Variants in SLC2A13 observed in about 807,000 individuals in gnomAD.
SLC2A13 encodes proton myo-inositol cotransporter.
A neutral mutation model predicts 64.4 loss-of-function variants in SLC2A13; 32 were observed. The observed-to-expected ratio is 0.50, with a 90% CI of 0.37 to 0.67. The LOEUF is 0.67. Among genes scored for constraint, SLC2A13 ranks in the 30% least tolerant of loss-of-function variants. SLC2A13 has a pLI of 0.00. For synonymous variants in SLC2A13, 338 were observed against 327.1 expected (o/e 1.03, Z -0.36); for missense variants, 743 against 829.2 (o/e 0.90, Z 1.28).
intron 7 of SLC2A13, among the ~76,000 whole-genome samples, chr12:39,775,721 G>A (rs1257095885): frequency 2.6e-5 from 4 of 152,156 alleles, no homozygotes; most frequent in Admixed American, 1.3e-4. Context: ...ATATGGATAA[G>A]AGTGACTGGA....
intron 3 of SLC2A13, among the ~76,000 whole-genome samples, chr12:40,001,586 C>T (rs1372105790): frequency 1.3e-5 from 2 of 152,158 alleles, no homozygotes; most frequent in African/African-American, 4.8e-5. Context: ...CCCAAGGTCA[C>T]AGACTAAGAA....
At position 39,756,049 on chromosome 12, in the gene SLC2A13, G is replaced by T. The variant is rs1939962084; in HGVS notation, c.*3977C>A. On this transcript the variant is annotated 3_prime_UTR_variant, in exon 10 of 10. Coordinates refer to ENST00000280871, the MANE Select transcript of SLC2A13 (RefSeq NM_052885.4). ...GCAGTATTGCTCACCTAGAAGAGCT[G>T]AATGTACCGACAATTTATAGACTGC... 6.6e-6 allele frequency: 1 copy of T among 151,896 alleles called. No individual in the cohort carries two copies. The highest frequency in any genetic ancestry group is 6.6e-5 in the Admixed American group (1 of 15,198). 9.4% of individuals were successfully genotyped at this position (151,896 alleles called of 1,614,324 possible).
chr12:40,079,534 A>G (rs1441418790), intron 1 of SLC2A13, among the ~76,000 whole-genome samples: 1 of 152,202 alleles, frequency 6.6e-6, no homozygotes, highest in African/African-American at 2.4e-5. Flanking sequence ...TGTGTGGTCA[A>G]TGTTAGAGTA....
At chr12:39,830,249 C>G in intron 6 of SLC2A13, 21 bp from the exon 7 acceptor site, 1 of 1,608,108 alleles carries the variant, frequency 6.2e-7, no homozygotes, top group Non-Finnish European at 8.5e-7. Flanking sequence ...AAAAGAGTTA[C>G]CGTCATGTTG....
intron 2 of SLC2A13, among the ~76,000 whole-genome samples, chr12:40,037,290 A>G (rs1183457255): frequency 6.6e-6 from 1 of 152,074 alleles, no homozygotes. Context: ...GTTTTTGTTT[A>G]AGATTGAAGC....
intron 1 of SLC2A13, among the ~76,000 whole-genome samples, chr12:40,073,590 T>C (rs1938049213): frequency 6.6e-6 from 1 of 152,058 alleles, no homozygotes; most frequent in African/African-American, 2.4e-5. Flanking sequence ...TGGCAACAAA[T>C]TTCCTTTGTT....
chr12:39,926,814 T>C (rs1217000245), intron 4 of SLC2A13, among the ~76,000 whole-genome samples: 1 of 152,092 alleles, frequency 6.6e-6, no homozygotes, highest in Non-Finnish European at 1.5e-5. Context: ...AGGGTCTCCC[T>C]TTGTTGCCCA....
intron 1 of SLC2A13, chr12:40,068,601 T>G (rs1384568308): frequency 5.9e-6 from 1 of 168,382 alleles, no homozygotes; most frequent in Non-Finnish European, 1.3e-5. Context: ...ATTCCTGGCT[T>G]AGGTGCCAGA....
intron 4 of SLC2A13, among the ~76,000 whole-genome samples, chr12:39,934,440 G>A (rs897659032): frequency 3.3e-5 from 5 of 152,214 alleles, no homozygotes; most frequent in Non-Finnish European, 5.9e-5. Flanking sequence ...TGCAGGGAAC[G>A]GGAGAGGACC....
chr12:39,818,023 AAC>A (rs1942386662), intron 7 of SLC2A13, among the ~76,000 whole-genome samples: 1 of 152,152 alleles, frequency 6.6e-6, no homozygotes, highest in African/African-American at 2.4e-5. Flanking sequence ...TCTTTATGGT[AAC>A]ACTTTCCAGC....
intron 1 of SLC2A13, among the ~76,000 whole-genome samples, chr12:40,098,943 CAGA>C (rs1198555029): frequency 2.0e-5 from 3 of 152,206 alleles, no homozygotes; most frequent in Admixed American, 2.0e-4. Flanking sequence ...GCGCTAAAAT[CAGA>C]AGAACACTGG....
chr12:39,885,298 C>T (rs574278179), intron 4 of SLC2A13, among the ~76,000 whole-genome samples: 12 of 152,130 alleles, frequency 7.9e-5, no homozygotes, highest in African/African-American at 2.2e-4. Flanking sequence ...TTTCATCTCC[C>T]GATGAAAAGA....
At chr12:40,065,373 G>A (rs1256629017) in intron 1 of SLC2A13, among the ~76,000 whole-genome samples, 2 of 151,896 alleles carry the variant, frequency 1.3e-5, no homozygotes, top group Non-Finnish European at 2.9e-5. Flanking sequence ...CCTGAGCTCA[G>A]GAGTTCCAGA....
At chr12:39,839,418 A>G (rs2135869457) in intron 6 of SLC2A13, among the ~76,000 whole-genome samples, 1 of 152,246 alleles carries the variant, frequency 6.6e-6, no homozygotes, top group South Asian at 2.1e-4. Flanking sequence ...TTAAAAGGCT[A>G]GGGGCCTACT....
rs550853640 is a variant in SLC2A13, at chr12:40,099,843, C to A, written c.556+5410G>T. On this transcript the variant is annotated intron_variant, in intron 1 of 9. Coordinates refer to ENST00000280871, the MANE Select transcript of SLC2A13 (RefSeq NM_052885.4). ...TTCACACCAGTAGGAAGCATAAATC[C>A]AATACAGAATTCCTGCCTTCAAAAA... Among the ~76,000 whole-genome samples, 4 of 151,826 alleles carry A rather than the reference C, an allele frequency of 2.6e-5. No homozygotes were observed. In the East Asian group the frequency reaches 7.7e-4, roughly 29 times the overall value.
intron 4 of SLC2A13, among the ~76,000 whole-genome samples, chr12:39,889,984 A>G (rs1471687431): frequency 6.6e-6 from 1 of 152,134 alleles, no homozygotes; most frequent in African/African-American, 2.4e-5. Context: ...AATATTTTAC[A>G]CTTCTACATA....
intron 7 of SLC2A13, among the ~76,000 whole-genome samples, chr12:39,772,455 T>C (rs11611119): frequency 0.21 from 31,527 of 152,088 alleles, 4,210 homozygotes; most frequent in Non-Finnish European, 0.3. Context: ...ATACCCTATG[T>C]AGAGATAAAT....
intron 7 of SLC2A13, among the ~76,000 whole-genome samples, chr12:39,825,902 G>T: frequency 6.6e-6 from 1 of 151,936 alleles, no homozygotes; most frequent in South Asian, 2.1e-4. Flanking sequence ...GTTTTGCATT[G>T]TGATTTCTTC....
At chr12:39,951,468 C>T in intron 3 of SLC2A13, 103 bp from the exon 4 acceptor site, 4 of 742,320 alleles carry the variant, frequency 5.4e-6, no homozygotes, top group East Asian at 3.0e-5. Flanking sequence ...ATGAAATCAA[C>T]ATGACTGGGC....
Sources: gnomAD v4.1 joint callset for allele counts (sites outside exome capture counted in the v4.1 genomes callset) on GRCh38, gnomAD v4.1.1 for gene constraint, MANE v1.5 for transcripts, NCBI Gene and HGNC (gene_info 2026-07-23, HGNC 2026-07-21) for gene names.